FXN: variants seen among roughly 807,000 people sequenced by gnomAD.
FXN encodes frataxin, also known as frataxin, mitochondrial.
FXN carries 14 observed loss-of-function variants against 22.4 expected under a neutral mutation model. The observed-to-expected ratio is 0.62, with a 90% CI of 0.41 to 0.98. FXN has a LOEUF of 0.98. Among genes scored for constraint, FXN ranks in the 50% least tolerant of loss-of-function variants. The pLI, the probability that FXN is intolerant of heterozygous loss-of-function variation, is 0.00. For synonymous variants in FXN, 120 were observed against 114.1 expected, an observed-to-expected ratio of 1.05 and a Z score of -0.33; for missense variants, 267 against 268.4, an observed-to-expected ratio of 0.99 and a Z score of 0.04.
rs1189451813 is a variant in FXN at position 69,072,664 on chromosome 9, G to A, written c.535G>A (p.Gly179Ser). ...TGKNWVYSHD[G>S]VSLHELLAAE... ...GAAAAACTGGGTGTACTCCCACGAC[G>A]GCGTGTCCCTCCATGAGCTGCTGGC... is the stretch of plus-strand genomic sequence containing the variant. The change falls in exon 5 of 5, where the codon GGC (glycine) becomes AGC (serine). Residue 179 changes from glycine to serine, a missense_variant. Gly to Ser is a moderately conservative substitution (Grantham distance 56). Transcript: ENST00000484259. 7 of 1,614,008 alleles carry A rather than the reference G, an allele frequency of 4.3e-6. No homozygotes were observed. Among genetic ancestry groups the A allele is most frequent in the African/African-American group, 2.7e-5 (2 of 74,884 alleles).
At chr9:69,059,525 G>A (rs1321402921) in intron 3 of FXN, among the ~76,000 whole-genome samples, 3 of 150,590 alleles carry the variant, frequency 2.0e-5, no homozygotes, top group Admixed American at 6.7e-5. Flanking sequence ...TCAGTCTCCC[G>A]AGTAACTGGG....
At chr9:69,070,902 T>C (rs1317310846) in intron 4 of FXN, among the ~76,000 whole-genome samples, 1 of 151,824 alleles carries the variant, frequency 6.6e-6, no homozygotes, top group African/African-American at 2.4e-5. Flanking sequence ...AACTCGTGGC[T>C]TCAAGCAATC....
At chr9:69,054,502 GGTTT>G (rs1333277457) in intron 3 of FXN, among the ~76,000 whole-genome samples, 2 of 152,044 alleles carry the variant, frequency 1.3e-5, no homozygotes, top group South Asian at 2.1e-4. Flanking sequence ...TGGGTTGGTT[GGTTT>G]GTTTGTCTGT....
chr9:69,056,815 T>C (rs539366889), intron 3 of FXN, among the ~76,000 whole-genome samples: 1 of 139,478 alleles, frequency 7.2e-6, no homozygotes, highest in East Asian at 1.9e-4. Context: ...TGATCTCAGC[T>C]CATCGCAACC....
rs538708334 is a variant in FXN, at chr9:69,068,735, G to C, written c.482+3700G>C. On this transcript the variant is annotated intron_variant, in intron 4 of 4. Coordinates refer to ENST00000484259, the MANE Select transcript of FXN (RefSeq NM_000144.5). ...AGGTGAGATCCACAGAAAGGCCAGG[G>C]CCAAGATGCGGCCAGCACCTCAGGC... is the stretch of plus-strand genomic sequence containing the variant. Among the ~76,000 whole-genome samples, 5 of 152,350 alleles carry C rather than the reference G, an allele frequency of 3.3e-5. No individual in the cohort carries two copies. In the East Asian group the frequency reaches 7.7e-4, roughly 24 times the overall value.
At chr9:69,066,090 A>G (rs1000934505) in intron 4 of FXN, among the ~76,000 whole-genome samples, 9 of 152,228 alleles carry the variant, frequency 5.9e-5, no homozygotes, top group Admixed American at 2.0e-4. Flanking sequence ...GACATCCCTC[A>G]TCCCTCAGCA....
intron 3 of FXN, among the ~76,000 whole-genome samples, chr9:69,055,496 CTTTTTTTT>C (rs780057588): frequency 7.1e-6 from 1 of 140,564 alleles, no homozygotes; most frequent in Non-Finnish European, 1.6e-5. Context: ...TCTTCTTCTT[CTTTTTTTT>C]TTTTTTTGAG....
At chr9:69,044,431 G>A (rs937139010) in intron 1 of FXN, among the ~76,000 whole-genome samples, 3 of 150,878 alleles carry the variant, frequency 2.0e-5, no homozygotes, top group South Asian at 2.1e-4. Flanking sequence ...CCCCCAGCCC[G>A]TTTCCTCCTC....
chr9:69,062,707 A>G (rs1295431036), intron 3 of FXN, among the ~76,000 whole-genome samples: 1 of 152,148 alleles, frequency 6.6e-6, no homozygotes, highest in Non-Finnish European at 1.5e-5. Flanking sequence ...TAGAAAGTAG[A>G]CAGGTGGTTA....
rs1386541448 is a variant in FXN at position 69,078,744 on chromosome 9, C to G, written c.*5982C>G. On this transcript the variant is annotated 3_prime_UTR_variant, in exon 5 of 5. Coordinates refer to ENST00000484259, the MANE Select transcript of FXN (RefSeq NM_000144.5). ...TTTCCATTTTGGTCTTTATTCCCCA[C>G]ATCTCTGCCTGGGGGGTAGATTCTA... is the stretch of plus-strand genomic sequence containing the variant. 3.0e-6 allele frequency: 3 copies of G among 985,516 alleles called. No individual in the cohort carries two copies. Among genetic ancestry groups the G allele is most frequent in the Non-Finnish European group, 3.6e-6 (3 of 830,022 alleles). The allele number at this position is 985,516 out of a possible 1,614,324, so 61.0% of individuals were successfully genotyped here. A position where few individuals can be genotyped will look rare whatever the true frequency, so the allele number is the denominator to read the frequency against.
intron 1 of FXN, among the ~76,000 whole-genome samples, chr9:69,037,284 A>AAAAAGAAG (rs544093183): frequency 0.085 from 6,642 of 77,970 alleles, 490 homozygotes; most frequent in African/African-American, 0.18. Context: ...AAAAAAAAAA[A>AAAAAGAAG]AAGAAGAAGA....
Position 69,075,549 on chromosome 9 carries a change from A to G in FXN, c.*2787A>G. 2.0e-6 allele frequency: 2 copies of G among 985,216 alleles called. No individual in the cohort carries two copies. Among genetic ancestry groups the G allele is most frequent in the Non-Finnish European group, 2.4e-6 (2 of 829,794 alleles). 61.0% of individuals were successfully genotyped at this position (985,216 alleles called of 1,614,324 possible). A position where few individuals can be genotyped will look rare whatever the true frequency, so the allele number is the denominator to read the frequency against. On this transcript the variant is annotated 3_prime_UTR_variant, in exon 5 of 5. Transcript: ENST00000484259. ...AATCATATTCTGTCAAGCAAACTGG[A>G]AAAGTACCACTGTGTGTACCAATAG...
intron 3 of FXN, 127 bp downstream of exon 3, chr9:69,053,387 T>G: frequency 8.3e-7 from 1 of 1,210,082 alleles, no homozygotes. Flanking sequence ...ATTAAAAGAC[T>G]AGGGTTCCGG....
chr9:69,053,313 C>A, intron 3 of FXN, 53 bp downstream of exon 3: 2 of 1,585,268 alleles, frequency 1.3e-6, no homozygotes, highest in South Asian at 1.1e-5. Context: ...AATTTTAGTT[C>A]ACTAAAATGA....
chr9:69,035,861 G>A lies in FXN; in HGVS notation c.79G>A (p.Val27Ile). 6.7e-7 allele frequency: 1 copy of A among 1,497,456 alleles called. No homozygotes were observed. The highest frequency in any genetic ancestry group is 2.7e-5 in the East Asian group (1 of 36,682). 92.8% of individuals were successfully genotyped at this position (1,497,456 alleles called of 1,614,324 possible). ...AGCCCAGGCCCAGACCCTCACCCGGGTCCCGCGGCCGGCAGAGTTGGCCCC... is the reference window on the plus strand; with the variant it reads ...AGCCCAGGCCCAGACCCTCACCCGGATCCCGCGGCCGGCAGAGTTGGCCCC... ...SPAQAQTLTR[V>I]PRPAELAPLC... Residue 27 changes from valine to isoleucine, a missense_variant, in exon 1 of 5, where the codon GTC (valine) becomes ATC (isoleucine). Coordinates refer to ENST00000484259, the MANE Select transcript of FXN (RefSeq NM_000144.5).
chr9:69,067,510 C>T (rs1204918692), intron 4 of FXN, among the ~76,000 whole-genome samples: 2 of 152,142 alleles, frequency 1.3e-5, no homozygotes, highest in Non-Finnish European at 2.9e-5. Flanking sequence ...CAGTGGCTGC[C>T]GAGCAGTTGG....
chr9:69,052,456 C>T (rs920068624), intron 2 of FXN, among the ~76,000 whole-genome samples: 2 of 151,990 alleles, frequency 1.3e-5, no homozygotes, highest in Non-Finnish European at 2.9e-5. Flanking sequence ...ACTGCCTGGC[C>T]CAGAAAGGAC....
chr9:69,059,155 T>C (rs1315048155), intron 3 of FXN, among the ~76,000 whole-genome samples: 1 of 152,164 alleles, frequency 6.6e-6, no homozygotes, highest in African/African-American at 2.4e-5. Flanking sequence ...TAAACTTGGT[T>C]TGAACAGTTG....
intron 4 of FXN, among the ~76,000 whole-genome samples, chr9:69,072,003 T>C (rs748301131): frequency 2.0e-5 from 3 of 152,216 alleles, no homozygotes; most frequent in Non-Finnish European, 2.9e-5. Context: ...GCATGTATCG[T>C]ACCATTTCAT....
Sources: allele counts gnomAD v4.1 joint callset (sites outside exome capture counted in the v4.1 genomes callset), GRCh38; gene constraint gnomAD v4.1.1; transcripts MANE v1.5; gene names NCBI Gene and HGNC (gene_info 2026-07-23, HGNC 2026-07-21).